Variants in PPFIA2 observed in about 807,000 individuals in gnomAD.
PPFIA2 encodes the protein PPFI scaffold protein A2.
Under a neutral mutation model 175.5 loss-of-function variants are expected in PPFIA2, and 46 were observed. That is an observed-to-expected ratio of 0.26 (90% CI 0.21 to 0.34). PPFIA2 has a LOEUF of 0.34. PPFIA2 is among the 10% of genes least tolerant of loss of function. PPFIA2 has a pLI of 1.00. For missense variants in PPFIA2, 1,179 were observed against 1,506.1 expected, an observed-to-expected ratio of 0.78 and a Z score of 3.60; for synonymous variants, 568 against 511.4, an observed-to-expected ratio of 1.11 and a Z score of -1.49.
At chr12:81,369,089 T>A in intron 12 of PPFIA2, 22 bp downstream of exon 12, 7 of 1,537,620 alleles carry the variant, frequency 4.6e-6, no homozygotes, top group Non-Finnish European at 6.3e-6. Context: ...GATTGGGGGG[T>A]AATAGTTCTT....
chr12:81,343,821 T>C (rs779531986), intron 19 of PPFIA2, among the ~76,000 whole-genome samples: 5 of 152,162 alleles, frequency 3.3e-5, no homozygotes, highest in Non-Finnish European at 5.9e-5. Flanking sequence ...TTTTTTATTT[T>C]GCATAGTCTT....
In PPFIA2 at chr12:81,597,816, T is replaced by G. The variant is rs1020873227; in HGVS notation, c.303+78975A>C. ...CAGTTTAAAGTAGATTAAACTGACA[T>G]GCACATTATTCATTCCATACATTTT... On this transcript the variant is annotated intron_variant, in intron 4 of 32. Transcript: ENST00000549396. The G allele has an allele frequency of 5.2e-5, 45 of 863,714 alleles. No homozygotes were observed. In the Admixed American group the frequency reaches 1.1e-3, roughly 21 times the overall value. The allele number at this position is 863,714 out of a possible 1,614,324, so 53.5% of individuals were successfully genotyped here. A position where few individuals can be genotyped will look rare whatever the true frequency, so the allele number is the denominator to read the frequency against.
At chr12:81,628,704 A>G (rs1285890313) in intron 4 of PPFIA2, among the ~76,000 whole-genome samples, 2 of 152,110 alleles carry the variant, frequency 1.3e-5, no homozygotes, top group Non-Finnish European at 2.9e-5. Flanking sequence ...TATGTGTCCT[A>G]CTTCTAGTTA....
At chr12:81,726,367 C>T (rs1362238968) in intron 3 of PPFIA2, among the ~76,000 whole-genome samples, 3 of 151,188 alleles carry the variant, frequency 2.0e-5, no homozygotes, top group Non-Finnish European at 3.0e-5. Context: ...CCCCACTTTA[C>T]TCATCAGCTA....
In PPFIA2 at chr12:81,261,988, T is replaced by A; in HGVS notation, c.3768A>T (p.Ser1256=). 6.2e-7 allele frequency: 1 copy of A among 1,602,666 alleles called. No homozygotes were observed. The highest frequency in any genetic ancestry group is 8.5e-7 in the Non-Finnish European group (1 of 1,173,952). The change falls in exon 32 of 33, where the codon TCA becomes TCT. Residue 1256 remains serine, a synonymous_variant. Coordinates refer to ENST00000549396, the MANE Select transcript of PPFIA2 (RefSeq NM_003625.5). ...RLDNSTVRTY[S]C is the part of the protein sequence containing the mutation. ...GCCTCCTTTGAGTGGCTGGTCAACA[T>A]GAGTATGTGCGAACAGTGGAGTTGT... is the stretch of plus-strand genomic sequence containing the variant.
At chr12:81,329,632 A>C (rs2055672497) in intron 21 of PPFIA2, among the ~76,000 whole-genome samples, 1 of 152,102 alleles carries the variant, frequency 6.6e-6, no homozygotes, top group South Asian at 2.1e-4. Context: ...ACAGGGTCAG[A>C]CCACTGTCTC....
At chr12:81,385,289 A>G (rs187059975) in intron 8 of PPFIA2, among the ~76,000 whole-genome samples, 11 of 152,282 alleles carry the variant, frequency 7.2e-5, no homozygotes, top group African/African-American at 2.2e-4. Flanking sequence ...CACTACAGAA[A>G]AAGGTATGAG....
intron 14 of PPFIA2, among the ~76,000 whole-genome samples, chr12:81,364,061 T>C (rs2032142310): frequency 6.6e-6 from 1 of 151,692 alleles, no homozygotes; most frequent in Non-Finnish European, 1.5e-5. Context: ...AGGGGAGTCA[T>C]GGAAGGGTTT....
chr12:81,348,301 A>G (rs1362611519), intron 17 of PPFIA2, among the ~76,000 whole-genome samples: 2 of 152,208 alleles, frequency 1.3e-5, no homozygotes, highest in African/African-American at 4.8e-5. Flanking sequence ...GTCATTCATA[A>G]TTAGCCAAAT....
Position 81,737,661 on chromosome 12 carries a change from A to C in PPFIA2, c.249+16312T>G, listed in dbSNP as rs191681728. 1.7e-3 allele frequency among the ~76,000 whole-genome samples: 254 copies of C among 151,470 alleles called. 1 individual carries two copies. The highest frequency in any genetic ancestry group is 5.9e-3 in the African/African-American group (244 of 41,520). ...AAAGACTTAAAATGGCCATGTTTCA[A>C]CTGTTAAACAAAATTAAAAACAAAA... On this transcript the variant is annotated intron_variant, in intron 3 of 32. Transcript: ENST00000549396.
intron 4 of PPFIA2, among the ~76,000 whole-genome samples, chr12:81,475,903 G>A (rs148116745): frequency 6.6e-6 from 1 of 152,222 alleles, no homozygotes; most frequent in East Asian, 1.9e-4. Context: ...AGTAGAGACG[G>A]GGTTTCACCT....
At chr12:81,499,721 C>T (rs2060396752) in intron 4 of PPFIA2, among the ~76,000 whole-genome samples, 1 of 151,968 alleles carries the variant, frequency 6.6e-6, no homozygotes, top group African/African-American at 2.4e-5. Context: ...GTAGAGACCA[C>T]AGGTCATAGT....
Position 81,448,933 on chromosome 12 carries a change from A to G in PPFIA2, c.406-3213T>C, listed in dbSNP as rs143245106. ...GTCATATCATGATAGGTAATCAGAA[A>G]ACCTTCTCCCAAAGGATCTGTAACT... On this transcript the variant is annotated intron_variant, in intron 5 of 32. Transcript: ENST00000549396. 3.3e-3 allele frequency among the ~76,000 whole-genome samples: 506 copies of G among 152,286 alleles called. 3 individuals are homozygous for G. Among genetic ancestry groups the G allele is most frequent in the Non-Finnish European group, 4.7e-3 (322 of 68,020 alleles).
chr12:81,453,523 GT>G (rs1346758743), intron 5 of PPFIA2, among the ~76,000 whole-genome samples: 1 of 151,926 alleles, frequency 6.6e-6, no homozygotes, highest in Non-Finnish European at 1.5e-5. Flanking sequence ...ACTTGCCAAA[GT>G]ATGGTCAGAG....
At chr12:81,627,592 C>A (rs935932113) in intron 4 of PPFIA2, among the ~76,000 whole-genome samples, 4 of 152,102 alleles carry the variant, frequency 2.6e-5, no homozygotes, top group African/African-American at 9.7e-5. Flanking sequence ...ATACCACAAT[C>A]TAAAGGGCAA....
At chr12:81,676,994 T>A (rs1224780760) in intron 3 of PPFIA2, 150 bp from the exon 4 acceptor site, 1 of 422,758 alleles carries the variant, frequency 2.4e-6, no homozygotes, top group East Asian at 3.6e-5. Context: ...TGTAGTACTA[T>A]ACAAATAGTC....
intron 4 of PPFIA2, among the ~76,000 whole-genome samples, chr12:81,464,596 T>C (rs2055242258): frequency 6.6e-6 from 1 of 152,148 alleles, no homozygotes; most frequent in Admixed American, 6.6e-5. Context: ...AAGAGGCTTC[T>C]CTTGTTTTGA....
rs760760993 is a variant in PPFIA2, at chr12:81,353,411, G to GCAA, written c.1774-75_1774-73dup. On this transcript the variant is annotated intron_variant, in intron 16 of 32. Coordinates refer to ENST00000549396, the MANE Select transcript of PPFIA2 (RefSeq NM_003625.5). ...TTTCAAAGCATTAATCTCAAAGACA[G>GCAA]CAACAACAACAGGCATGCTTTTACA... 7.5e-5 allele frequency: 81 copies of GCAA among 1,083,448 alleles called. No homozygotes were observed. In the East Asian group the frequency reaches 1.9e-3, roughly 25 times the overall value. The allele number at this position is 1,083,448 out of a possible 1,614,324, so 67.1% of individuals were successfully genotyped here.
intron 22 of PPFIA2, chr12:81,312,212 C>T (rs2051100981): frequency 1.3e-6 from 2 of 1,518,740 alleles, no homozygotes; most frequent in Non-Finnish European, 1.8e-6. Flanking sequence ...GAAAAGCACA[C>T]AAATGTTAAT....
Sources: allele counts gnomAD v4.1 joint callset (sites outside exome capture counted in the v4.1 genomes callset), GRCh38; gene constraint gnomAD v4.1.1; transcripts MANE v1.5; gene names NCBI Gene and HGNC (gene_info 2026-07-23, HGNC 2026-07-21).